Variants in INPP4B observed in about 807,000 individuals in gnomAD.
The protein encoded by INPP4B is inositol polyphosphate 4-phosphatase type II.
INPP4B carries 55 observed loss-of-function variants against 122.5 expected under a neutral mutation model. The ratio of observed to expected loss-of-function variants is 0.45; its 90% CI spans 0.36 to 0.56. The LOEUF (loss-of-function observed/expected upper bound fraction) is 0.56. Among genes scored for constraint, INPP4B ranks in the 20% least tolerant of loss-of-function variants. The probability of loss-of-function intolerance (pLI) is 0.00; values close to 1 mark genes in which losing one functional copy is unlikely to be tolerated. For missense variants in INPP4B, 1,000 were observed against 1,097.7 expected (o/e 0.91, Z 1.26); for synonymous variants, 403 against 388.7 (o/e 1.04, Z -0.43).
intron 2 of INPP4B, among the ~76,000 whole-genome samples, chr4:142,558,997 C>T (rs1195911373): frequency 2.6e-5 from 4 of 151,952 alleles, no homozygotes; most frequent in South Asian, 2.1e-4. Flanking sequence ...TCTGTTAGAA[C>T]GCTGCGAAGC....
chr4:142,503,528 C>A (rs1012431327), intron 2 of INPP4B, among the ~76,000 whole-genome samples: 1 of 151,844 alleles, frequency 6.6e-6, no homozygotes, highest in Non-Finnish European at 1.5e-5. Flanking sequence ...ATATCTAAAC[C>A]AAATAAGAAG....
At chr4:142,432,847 A>G (rs1319425963) in intron 3 of INPP4B, among the ~76,000 whole-genome samples, 1 of 152,164 alleles carries the variant, frequency 6.6e-6, no homozygotes, top group Non-Finnish European at 1.5e-5. Context: ...AATCCTAGCA[A>G]AATAACACCT....
At position 142,123,301 on chromosome 4, in the gene INPP4B, T is replaced by G; in HGVS notation, c.2008A>C (p.Ser670Arg). The G allele has an allele frequency of 6.2e-7, 1 of 1,611,598 alleles. No homozygotes were observed. The highest frequency in any genetic ancestry group is 8.5e-7 in the Non-Finnish European group (1 of 1,178,390). ...GLIVQYEGLLSTYSDEIGMLE... is the reference protein window; with the variant it reads ...GLIVQYEGLLRTYSDEIGMLE... ...CTAAAGCAATACTCACTGTATGTAC[T>G]TAGCAGTCCTTCATATTGTACTATC... is the stretch of plus-strand genomic sequence containing the variant. The change falls in exon 20 of 26, where the codon AGT becomes CGT. Residue 670 changes from serine to arginine, a missense_variant. By Grantham distance (110) the Ser-to-Arg change is moderately radical (BLOSUM62 -1). Coordinates refer to ENST00000262992, the MANE Select transcript of INPP4B (RefSeq NM_001101669.3).
At chr4:142,114,864 A>C (rs1792220820) in intron 21 of INPP4B, among the ~76,000 whole-genome samples, 1 of 152,046 alleles carries the variant, frequency 6.6e-6, no homozygotes, top group East Asian at 1.9e-4. Flanking sequence ...AACTTCTCCA[A>C]GCTAAAGGAG....
intron 14 of INPP4B, 131 bp from the exon 15 acceptor site, chr4:142,193,326 A>G: frequency 1.7e-6 from 1 of 588,380 alleles, no homozygotes. Context: ...AATAACTATG[A>G]ACTCACATCT....
Position 142,708,500 on chromosome 4 carries a change from G to A in INPP4B, c.-191+17339C>T, listed in dbSNP as rs141330858. 2.2e-4 allele frequency among the ~76,000 whole-genome samples: 34 copies of A among 152,234 alleles called. No individual in the cohort carries two copies. In the East Asian group the frequency reaches 6.2e-3, roughly 28 times the overall value. ...GCCCTGCTGCCCTGTGCAACCTCAG[G>A]ACACTGCTGTCTGCATCCCAGCCAC... On this transcript the variant is annotated intron_variant, in intron 2 of 25. Coordinates refer to ENST00000262992, the MANE Select transcript of INPP4B (RefSeq NM_001101669.3).
intron 1 of INPP4B, among the ~76,000 whole-genome samples, chr4:142,775,187 G>A (rs1043580440): frequency 1.3e-5 from 2 of 152,100 alleles, no homozygotes; most frequent in Admixed American, 6.5e-5. Context: ...TGTTGATGGT[G>A]ACCTTGATCA....
chr4:142,593,964 C>A (rs1051813957), intron 2 of INPP4B, among the ~76,000 whole-genome samples: 3 of 151,990 alleles, frequency 2.0e-5, no homozygotes, highest in Non-Finnish European at 4.4e-5. Flanking sequence ...CTTTTCATAT[C>A]TCTACAACCA....
intron 7 of INPP4B, among the ~76,000 whole-genome samples, chr4:142,392,818 T>C (rs923776751): frequency 2.6e-5 from 4 of 152,300 alleles, no homozygotes; most frequent in East Asian, 1.9e-4. Flanking sequence ...GGAGAAAACA[T>C]TGGGTATTAT....
At chr4:142,117,659 A>G (rs1256776136) in intron 21 of INPP4B, among the ~76,000 whole-genome samples, 3 of 152,204 alleles carry the variant, frequency 2.0e-5, no homozygotes, top group Non-Finnish European at 4.4e-5. Context: ...GATGGGACGT[A>G]TCTCAAAATA....
At chr4:142,365,712 A>G (rs575002457) in intron 7 of INPP4B, among the ~76,000 whole-genome samples, 2 of 152,168 alleles carry the variant, frequency 1.3e-5, no homozygotes, top group African/African-American at 4.8e-5. Context: ...GCTTAAAACT[A>G]CAAAGCATCA....
At chr4:142,551,179 G>A (rs1384616024) in intron 2 of INPP4B, among the ~76,000 whole-genome samples, 2 of 152,162 alleles carry the variant, frequency 1.3e-5, no homozygotes, top group Non-Finnish European at 2.9e-5. Flanking sequence ...TCTGGCAACA[G>A]CATCCAATTT....
intron 2 of INPP4B, among the ~76,000 whole-genome samples, chr4:142,710,138 A>G (rs1360701470): frequency 1.3e-5 from 2 of 152,226 alleles, no homozygotes; most frequent in Non-Finnish European, 2.9e-5. Context: ...CAGAGGTCAT[A>G]GAGGCAGAAT....
intron 11 of INPP4B, among the ~76,000 whole-genome samples, chr4:142,256,802 C>T (rs1038595553): frequency 3.9e-5 from 6 of 152,186 alleles, no homozygotes; most frequent in African/African-American, 1.4e-4. Context: ...ACCATTCCTT[C>T]TGAAACTGTT....
At chr4:142,325,587 T>C (rs904484885) in intron 7 of INPP4B, among the ~76,000 whole-genome samples, 1 of 152,202 alleles carries the variant, frequency 6.6e-6, no homozygotes, top group Non-Finnish European at 1.5e-5. Context: ...TAGGCTTCCA[T>C]GCCAAAAAGA....
chr4:142,225,872 G>T (rs1208926831), intron 12 of INPP4B, among the ~76,000 whole-genome samples: 1 of 152,060 alleles, frequency 6.6e-6, no homozygotes, highest in Non-Finnish European at 1.5e-5. Flanking sequence ...TTTAGGCCTA[G>T]GAATTTATAA....
intron 2 of INPP4B, among the ~76,000 whole-genome samples, chr4:142,624,091 G>A (rs1265217016): frequency 6.6e-6 from 1 of 151,066 alleles, no homozygotes; most frequent in Admixed American, 6.6e-5. Flanking sequence ...CCCAGTAATG[G>A]GATGGCTGGG....
chr4:142,744,769 TA>T (rs941295707), intron 1 of INPP4B, among the ~76,000 whole-genome samples: 1 of 151,448 alleles, frequency 6.6e-6, no homozygotes, highest in African/African-American at 2.4e-5. Context: ...AAATGTTAAA[TA>T]AAAAAGGGAA....
intron 1 of INPP4B, among the ~76,000 whole-genome samples, chr4:142,796,200 T>A (rs1161889522): frequency 6.6e-6 from 1 of 151,968 alleles, no homozygotes; most frequent in Non-Finnish European, 1.5e-5. Flanking sequence ...AATGATAGGT[T>A]GTAAAATGAA....
Sources: gnomAD v4.1 joint callset for allele counts (sites outside exome capture counted in the v4.1 genomes callset) on GRCh38, gnomAD v4.1.1 for gene constraint, MANE v1.5 for transcripts, NCBI Gene and HGNC (gene_info 2026-07-23, HGNC 2026-07-21) for gene names.